The following MGAT5 variants were observed in gnomAD, a reference collection of about 807,000 sequenced individuals.
MGAT5 encodes alpha-1,6-mannosylglycoprotein 6-beta-N-acetylglucosaminyltransferase, also known as alpha-1,6-mannosylglycoprotein 6-beta-N-acetylglucosaminyltransferase A.
In MGAT5, 30 loss-of-function variants were observed where a neutral mutation model predicts 94.3. The ratio of observed to expected loss-of-function variants is 0.32; its 90% CI spans 0.24 to 0.43. The LOEUF is 0.43. Ranked by LOEUF, MGAT5 falls within the 20% of genes least tolerant of loss-of-function variation. MGAT5 has a pLI of 1.00. For missense variants in MGAT5, 691 were observed against 905.5 expected, an observed-to-expected ratio of 0.76 and a Z score of 3.04; for synonymous variants, 310 against 322.9, an observed-to-expected ratio of 0.96 and a Z score of 0.43.
Position 134,261,938 on chromosome 2 carries a change from C to T in MGAT5, c.241+7294C>T, listed in dbSNP as rs547524145. Among the ~76,000 whole-genome samples, 4 of 152,296 alleles carry T rather than the reference C, an allele frequency of 2.6e-5. No individual in the cohort carries two copies. In the South Asian group the frequency reaches 8.3e-4, roughly 32 times the overall value. On this transcript the variant is annotated intron_variant, in intron 1 of 15. Transcript: ENST00000281923. ...GAGAAGAAATTCCCTATGGGCTCTGCATCTAAGAGGCTCCAAGTAGCTCTT... is the reference window on the plus strand; with the variant it reads ...GAGAAGAAATTCCCTATGGGCTCTGTATCTAAGAGGCTCCAAGTAGCTCTT...
intron 10 of MGAT5, among the ~76,000 whole-genome samples, chr2:134,383,342 C>A (rs1469793132): frequency 6.6e-6 from 1 of 152,194 alleles, no homozygotes; most frequent in East Asian, 1.9e-4. Context: ...AACATACTCA[C>A]CTGAGCATTT....
chr2:134,122,321 C>G (rs923147677), intron 1 of MGAT5, among the ~76,000 whole-genome samples: 1 of 152,180 alleles, frequency 6.6e-6, no homozygotes, highest in Non-Finnish European at 1.5e-5. Flanking sequence ...CCAGGCTGGT[C>G]GCGAACTCCT....
At chr2:134,121,268 G>T (rs1434321004) in intron 1 of MGAT5, among the ~76,000 whole-genome samples, 1 of 152,248 alleles carries the variant, frequency 6.6e-6, no homozygotes, top group Non-Finnish European at 1.5e-5. Context: ...GAGGCCTGGA[G>T]CGCGGCTCTC....
At chr2:134,310,562 C>T (rs758986461) in intron 2 of MGAT5, among the ~76,000 whole-genome samples, 1 of 152,188 alleles carries the variant, frequency 6.6e-6, no homozygotes, top group Non-Finnish European at 1.5e-5. Flanking sequence ...TCCCAGTATA[C>T]ACCTCTGGGG....
intron 2 of MGAT5, among the ~76,000 whole-genome samples, chr2:134,315,600 GT>G (rs1686953673): frequency 6.6e-6 from 1 of 152,206 alleles, no homozygotes; most frequent in Non-Finnish European, 1.5e-5. Flanking sequence ...GATATAGCAA[GT>G]AAAAGTTGTG....
chr2:134,214,028 C>T (rs1438768480), intron 1 of MGAT5, among the ~76,000 whole-genome samples: 1 of 152,170 alleles, frequency 6.6e-6, no homozygotes, highest in African/African-American at 2.4e-5. Context: ...CCAGTCCCAT[C>T]CCGAAGCTAT....
intron 1 of MGAT5, among the ~76,000 whole-genome samples, chr2:134,226,841 G>T (rs554483532): frequency 1.1e-4 from 17 of 152,304 alleles, no homozygotes; most frequent in Non-Finnish European, 2.1e-4. Flanking sequence ...CAGGGGCTGG[G>T]CAGGTCACAC....
In MGAT5 at chr2:134,182,220, A is replaced by G. The variant is rs184688776; in HGVS notation, c.-143+61929A>G. Reference sequence around the variant, plus strand: ...GATTATTGATCATTACATGATTATTAGAAATAATTTTGTATGGAGGAGGGA... The same window carrying G: ...GATTATTGATCATTACATGATTATTGGAAATAATTTTGTATGGAGGAGGGA... On this transcript the variant is annotated intron_variant, in intron 1 of 16. Transcript: ENST00000409645. Among the ~76,000 whole-genome samples, 190 of 152,374 alleles carry G rather than the reference A, an allele frequency of 1.2e-3. 1 individual carries two copies. The highest frequency in any genetic ancestry group is 4.2e-3 in the Admixed American group (65 of 15,310).
intron 13 of MGAT5, among the ~76,000 whole-genome samples, chr2:134,426,206 C>T (rs1574075271): frequency 6.7e-6 from 1 of 149,296 alleles, no homozygotes; most frequent in East Asian, 1.9e-4. Flanking sequence ...GACTCACCGA[C>T]TTCCTTCCTT....
intron 1 of MGAT5, among the ~76,000 whole-genome samples, chr2:134,128,269 GA>G (rs1685947713): frequency 6.8e-6 from 1 of 147,708 alleles, no homozygotes; most frequent in African/African-American, 2.7e-5. Flanking sequence ...AGAAAAGAAA[GA>G]GAGAGAGAGA....
At chr2:134,422,996 T>C in intron 13 of MGAT5, 77 bp downstream of exon 13, 2 of 1,058,828 alleles carry the variant, frequency 1.9e-6, no homozygotes, top group Non-Finnish European at 2.9e-6. Flanking sequence ...TAGGTCCTTG[T>C]TTTTAGCAAA....
chr2:134,324,360 A>G (rs1687518257), intron 4 of MGAT5, among the ~76,000 whole-genome samples: 1 of 152,166 alleles, frequency 6.6e-6, no homozygotes, highest in Admixed American at 6.6e-5. Flanking sequence ...AAGCAGTTTC[A>G]TGCCTTACTT....
chr2:134,143,265 G>C (rs985517313), intron 1 of MGAT5, among the ~76,000 whole-genome samples: 1 of 152,156 alleles, frequency 6.6e-6, no homozygotes, highest in African/African-American at 2.4e-5. Context: ...AGATAGAGGT[G>C]ATGGTCACAC....
intron 1 of MGAT5, among the ~76,000 whole-genome samples, chr2:134,247,131 C>T (rs1377096574): frequency 6.6e-6 from 1 of 152,100 alleles, no homozygotes; most frequent in Non-Finnish European, 1.5e-5. Flanking sequence ...TTACCAAGCA[C>T]TCTAAGTTGC....
intron 1 of MGAT5, among the ~76,000 whole-genome samples, chr2:134,264,022 T>A (rs79817962): frequency 8.1e-6 from 1 of 122,906 alleles, no homozygotes; most frequent in Admixed American, 7.8e-5. Flanking sequence ...ATTAGGTTTT[T>A]TTTTTTTTTT....
intron 1 of MGAT5, among the ~76,000 whole-genome samples, chr2:134,234,872 C>T: frequency 6.6e-6 from 1 of 152,214 alleles, no homozygotes; most frequent in Non-Finnish European, 1.5e-5. Context: ...TGTAAACTGC[C>T]TTCAATTCAA....
Position 134,346,800 on chromosome 2 carries a change from C to T in MGAT5, c.1112+1736C>T, listed in dbSNP as rs147217186. On this transcript the variant is annotated intron_variant, in intron 8 of 15. Transcript: ENST00000281923. ...TCTGCTAGGTACTGCAAAGCTCATA[C>T]GCATTTTACTTCCTACAAGGCCTTT... Among the ~76,000 whole-genome samples the T allele has an allele frequency of 1.1e-3, 168 of 152,234 alleles. No individual in the cohort carries two copies. In the East Asian group the frequency reaches 0.015, roughly 13 times the overall value.
chr2:134,297,315 T>C (rs1418596922), intron 2 of MGAT5, among the ~76,000 whole-genome samples: 1 of 152,114 alleles, frequency 6.6e-6, no homozygotes, highest in Non-Finnish European at 1.5e-5. Flanking sequence ...GGTGAATTCT[T>C]TTAGGTATGT....
At chr2:134,227,979 A>T (rs1005955486) in intron 1 of MGAT5, among the ~76,000 whole-genome samples, 7 of 152,206 alleles carry the variant, frequency 4.6e-5, no homozygotes, top group Admixed American at 1.3e-4. Flanking sequence ...TACTCGAGAC[A>T]GTGAGAAAAT....
Sources: allele counts gnomAD v4.1 joint callset (sites outside exome capture counted in the v4.1 genomes callset), GRCh38; gene constraint gnomAD v4.1.1; transcripts MANE v1.5; gene names NCBI Gene and HGNC (gene_info 2026-07-23, HGNC 2026-07-21).